The following CDKAL1 variants were observed in gnomAD, a reference collection of about 807,000 sequenced individuals.
CDKAL1 encodes threonylcarbamoyladenosine tRNA methylthiotransferase.
Under a neutral mutation model 68.2 loss-of-function variants are expected in CDKAL1, and 32 were observed. The ratio of observed to expected loss-of-function variants is 0.47; its 90% CI spans 0.35 to 0.63. CDKAL1 has a LOEUF of 0.63. Among genes scored for constraint, CDKAL1 ranks in the 30% least tolerant of loss-of-function variants. CDKAL1 has a pLI of 0.00. For missense variants in CDKAL1, 606 were observed against 696.7 expected (o/e 0.87, Z 1.47); for synonymous variants, 234 against 244.3 (o/e 0.96, Z 0.39).
chr6:20,952,236 G>C (rs893412686), intron 9 of CDKAL1, among the ~76,000 whole-genome samples: 2 of 152,116 alleles, frequency 1.3e-5, no homozygotes, highest in African/African-American at 4.8e-5. Context: ...GGGATTACAA[G>C]CATGAGCCAC....
intron 8 of CDKAL1, among the ~76,000 whole-genome samples, chr6:20,844,663 A>G (rs2150491536): frequency 6.6e-6 from 1 of 151,102 alleles, no homozygotes; most frequent in African/African-American, 2.4e-5. Flanking sequence ...CAACCTGGGC[A>G]ACATAGCGAG....
At chr6:20,744,550 C>T (rs1773586779) in intron 6 of CDKAL1, among the ~76,000 whole-genome samples, 1 of 152,096 alleles carries the variant, frequency 6.6e-6, no homozygotes. Context: ...TCTCCAGCTT[C>T]CTGGAGAATC....
At chr6:21,195,132 A>G (rs1778411075) in intron 13 of CDKAL1, among the ~76,000 whole-genome samples, 1 of 152,064 alleles carries the variant, frequency 6.6e-6, no homozygotes, top group South Asian at 2.1e-4. Context: ...TCAAAGCCCT[A>G]GCCTTCCTAG....
chr6:21,173,275 T>C (rs1777462743), intron 13 of CDKAL1, among the ~76,000 whole-genome samples: 1 of 152,162 alleles, frequency 6.6e-6, no homozygotes, highest in Non-Finnish European at 1.5e-5. Context: ...GTTCCTCTTT[T>C]TCTAAATGCT....
At chr6:21,184,196 C>CTT (rs34248538) in intron 13 of CDKAL1, among the ~76,000 whole-genome samples, 1 of 116,940 alleles carries the variant, frequency 8.6e-6, no homozygotes, top group Non-Finnish European at 1.9e-5. Context: ...TTTCTTTGAC[C>CTT]TTTTTTTTTT....
At chr6:21,104,295 A>T (rs953203560) in intron 12 of CDKAL1, among the ~76,000 whole-genome samples, 2 of 152,184 alleles carry the variant, frequency 1.3e-5, no homozygotes, top group African/African-American at 4.8e-5. Flanking sequence ...GTTTCAGTAT[A>T]TAGGTTATGA....
At chr6:21,047,151 C>G (rs1156418654) in intron 11 of CDKAL1, among the ~76,000 whole-genome samples, 1 of 151,804 alleles carries the variant, frequency 6.6e-6, no homozygotes, top group African/African-American at 2.4e-5. Context: ...CCTTGAACTC[C>G]TAGATCCTTC....
In CDKAL1 at chr6:20,667,568, A is replaced by T. The variant is rs9350270; in HGVS notation, c.371+18191A>T. Among the ~76,000 whole-genome samples the T allele has an allele frequency of 3.7e-3, 557 of 152,094 alleles. 8 individuals are homozygous for T. Among genetic ancestry groups the T allele is most frequent in the Non-Finnish European group, 1.0e-3 (68 of 67,988 alleles). On this transcript the variant is annotated intron_variant, in intron 5 of 15. Coordinates refer to ENST00000274695, the MANE Select transcript of CDKAL1 (RefSeq NM_017774.3). Reference sequence around the variant, plus strand: ...AGGGCAGCTCCGACTTTATTAATTCAGTTGTTCAAAGATACTATCAAAGAC... The same window carrying T: ...AGGGCAGCTCCGACTTTATTAATTCTGTTGTTCAAAGATACTATCAAAGAC...
chr6:21,224,207 G>A (rs1413788427), intron 15 of CDKAL1, among the ~76,000 whole-genome samples: 1 of 152,174 alleles, frequency 6.6e-6, no homozygotes, highest in Non-Finnish European at 1.5e-5. Flanking sequence ...CTCTGCAGAT[G>A]TGATTAAGAT....
chr6:20,611,640 T>C (rs1014542688), intron 4 of CDKAL1, among the ~76,000 whole-genome samples: 14 of 152,228 alleles, frequency 9.2e-5, no homozygotes, highest in Non-Finnish European at 1.8e-4. Context: ...TGTTACATAT[T>C]TGTGGGTACG....
chr6:20,753,345 G>A (rs1403761606), intron 6 of CDKAL1, among the ~76,000 whole-genome samples: 2 of 31,370 alleles, frequency 6.4e-5, no homozygotes, highest in Non-Finnish European at 8.8e-5. Context: ...CAGGCACCAC[G>A]TAACAAACTT....
intron 2 of CDKAL1, among the ~76,000 whole-genome samples, chr6:20,543,779 C>T (rs890971747): frequency 2.1e-5 from 3 of 145,020 alleles, no homozygotes; most frequent in African/African-American, 7.8e-5. Context: ...CTGTGTCACC[C>T]AGGCTGGAGT....
At chr6:21,190,948 AAAGT>A (rs1778211815) in intron 13 of CDKAL1, among the ~76,000 whole-genome samples, 1 of 152,234 alleles carries the variant, frequency 6.6e-6, no homozygotes, top group South Asian at 2.1e-4. Flanking sequence ...AAGTAAAGTG[AAAGT>A]AAGAAGAAAA....
intron 4 of CDKAL1, among the ~76,000 whole-genome samples, chr6:20,567,201 G>T: frequency 6.7e-6 from 1 of 148,658 alleles, no homozygotes; most frequent in Non-Finnish European, 1.5e-5. Flanking sequence ...AAAAGTAATC[G>T]TGGTCTTTGC....
intron 4 of CDKAL1, among the ~76,000 whole-genome samples, chr6:20,578,618 C>G (rs1765010062): frequency 6.6e-6 from 1 of 152,174 alleles, no homozygotes; most frequent in Non-Finnish European, 1.5e-5. Flanking sequence ...TAGTAGACTT[C>G]CACAGCAACT....
At chr6:20,669,558 G>A (rs975213583) in intron 5 of CDKAL1, among the ~76,000 whole-genome samples, 1 of 152,096 alleles carries the variant, frequency 6.6e-6, no homozygotes, top group African/African-American at 2.4e-5. Context: ...ATGGAACTCA[G>A]CTTATACTAA....
intron 12 of CDKAL1, among the ~76,000 whole-genome samples, chr6:21,101,623 A>C (rs550745652): frequency 2.2e-4 from 34 of 152,176 alleles, no homozygotes; most frequent in African/African-American, 7.5e-4. Context: ...CATGAGTCCC[A>C]AGTCCTTTAC....
intron 5 of CDKAL1, among the ~76,000 whole-genome samples, chr6:20,688,805 G>A (rs1770744725): frequency 6.6e-6 from 1 of 152,144 alleles, no homozygotes; most frequent in African/African-American, 2.4e-5. Context: ...AGTACACCTT[G>A]CACTTTTTTC....
At chr6:20,681,822 T>C (rs1170091834) in intron 5 of CDKAL1, among the ~76,000 whole-genome samples, 9 of 152,190 alleles carry the variant, frequency 5.9e-5, no homozygotes, top group Admixed American at 3.3e-4. Context: ...CAGACTGTCT[T>C]AGTTTGCTCA....
Sources: allele counts gnomAD v4.1 joint callset (sites outside exome capture counted in the v4.1 genomes callset), GRCh38; gene constraint gnomAD v4.1.1; transcripts MANE v1.5; gene names NCBI Gene and HGNC (gene_info 2026-07-23, HGNC 2026-07-21).